The following AQP11 variants were observed in gnomAD, a reference collection of about 807,000 sequenced individuals.
AQP11 encodes aquaporin-11.
A neutral mutation model predicts 21.1 loss-of-function variants in AQP11; 20 were observed. That is an observed-to-expected ratio of 0.95 (90% confidence interval 0.67 to 1.38). The LOEUF (loss-of-function observed/expected upper bound fraction) is 1.38. AQP11 is among the 40% of genes most tolerant of loss of function. The probability of loss-of-function intolerance (pLI) is 0.00; values close to 1 mark genes in which losing one functional copy is unlikely to be tolerated. For missense variants in AQP11, 339 were observed against 340.4 expected, an observed-to-expected ratio of 1.00 and a Z score of 0.03; for synonymous variants, 167 against 150.1, an observed-to-expected ratio of 1.11 and a Z score of -0.82.
At chr11:77,591,714 A>G (rs968163126) in intron 1 of AQP11, among the ~76,000 whole-genome samples, 10 of 152,038 alleles carry the variant, frequency 6.6e-5, no homozygotes, top group African/African-American at 2.2e-4. Flanking sequence ...TACTAAAAAT[A>G]CAAAAAAAAT....
At chr11:77,607,430 A>G (rs1958853041) in intron 2 of AQP11, among the ~76,000 whole-genome samples, 1 of 152,202 alleles carries the variant, frequency 6.6e-6, no homozygotes, top group African/African-American at 2.4e-5. Flanking sequence ...GACAGAGGAA[A>G]GAGTAATCCC....
At chr11:77,604,170 G>A (rs573065428) in intron 2 of AQP11, among the ~76,000 whole-genome samples, 1 of 152,090 alleles carries the variant, frequency 6.6e-6, no homozygotes, top group African/African-American at 2.4e-5. Flanking sequence ...TGAGGGCAGC[G>A]GCATGATCAT....
chr11:77,598,233 T>C (rs1191254757), intron 1 of AQP11, among the ~76,000 whole-genome samples: 1 of 152,244 alleles, frequency 6.6e-6, no homozygotes, highest in Non-Finnish European at 1.5e-5. Context: ...ATGGGTGTTA[T>C]GTGATATTTA....
chr11:77,596,038 A>C (rs1425241210), intron 1 of AQP11, among the ~76,000 whole-genome samples: 1 of 152,048 alleles, frequency 6.6e-6, no homozygotes, highest in Non-Finnish European at 1.5e-5. Context: ...TCAAAGGTCC[A>C]AAATTTATTT....
chr11:77,599,055 A>T (rs1232566873), intron 1 of AQP11, among the ~76,000 whole-genome samples: 2 of 151,646 alleles, frequency 1.3e-5, no homozygotes, highest in Non-Finnish European at 2.9e-5. Flanking sequence ...TTAATTTTGT[A>T]TTTTTAGTAG....
Position 77,609,833 on chromosome 11 carries a change from G to T in AQP11, c.*456G>T, listed in dbSNP as rs1958867399. 1 of 152,456 alleles carries T rather than the reference G, an allele frequency of 6.6e-6. No homozygotes were observed. The highest frequency in any genetic ancestry group is 2.4e-5 in the African/African-American group (1 of 41,446). 9.4% of individuals were successfully genotyped at this position (152,456 alleles called of 1,614,324 possible). On this transcript the variant is annotated 3_prime_UTR_variant, in exon 3 of 3. Transcript: ENST00000313578. ...ACTTTCAGCCACCACCTCACAAAAT[G>T]ATACCATCAAGCAGTGTCATCTTTC...
At chr11:77,596,703 T>A (rs565069988) in intron 1 of AQP11, among the ~76,000 whole-genome samples, 1,979 of 150,896 alleles carry the variant, frequency 0.013, 46 homozygotes, top group African/African-American at 0.044. Flanking sequence ...TACAAAAAAA[T>A]TTTAAAATTA....
chr11:77,607,680 T>A (rs530050359), intron 2 of AQP11, among the ~76,000 whole-genome samples: 10 of 151,832 alleles, frequency 6.6e-5, no homozygotes, highest in Non-Finnish European at 1.3e-4. Context: ...GGAGAATCAC[T>A]TGAGCCCAGG....
chr11:77,604,555 CTCT>C (rs561421557), intron 2 of AQP11, among the ~76,000 whole-genome samples: 2 of 152,176 alleles, frequency 1.3e-5, no homozygotes, highest in Non-Finnish European at 2.9e-5. Flanking sequence ...CATTAATTCA[CTCT>C]TCTTTTTATC....
intron 1 of AQP11, among the ~76,000 whole-genome samples, chr11:77,595,972 G>A (rs1958776230): frequency 6.6e-6 from 1 of 151,704 alleles, no homozygotes; most frequent in African/African-American, 2.4e-5. Flanking sequence ...AGAGAGAAGG[G>A]AACATATGTT....
At position 77,590,214 on chromosome 11, in the gene AQP11, C is replaced by T; in HGVS notation, c.222C>T (p.His74=). The stretch of plus-strand genomic sequence containing the variant: ...TGCTGAGCGAACAGCACCCCGCGCA[C>T]CCCACCTGGACGCTGACGCTCGTCT... ...LQLLSEQHPA[H]PTWTLTLVYF... is the part of the protein sequence containing the mutation. The change falls in exon 1 of 3, where the codon CAC becomes CAT. Residue 74 remains histidine, a synonymous_variant. Transcript: ENST00000313578. The T allele has an allele frequency of 6.3e-7, 1 of 1,593,876 alleles. No individual in the cohort carries two copies. The highest frequency in any genetic ancestry group is 2.2e-5 in the East Asian group (1 of 44,758).
At chr11:77,606,036 C>CAAAAAAAAAAAAAAAAAAAAAAAAAA in intron 2 of AQP11, among the ~76,000 whole-genome samples, 1 of 63,974 alleles carries the variant, frequency 1.6e-5, no homozygotes, top group Non-Finnish European at 3.3e-5. Flanking sequence ...GAGCGAGTCT[C>CAAAAAAAAAAAAAAAAAAAAAAAAAA]AAAAAAAAAA....
intron 1 of AQP11, 74 bp from the exon 2 acceptor site, chr11:77,603,482 T>C: frequency 1.9e-6 from 2 of 1,029,702 alleles, no homozygotes; most frequent in Non-Finnish European, 2.8e-6. Context: ...TCACATTTAG[T>C]AACCATTTAT....
intron 1 of AQP11, among the ~76,000 whole-genome samples, chr11:77,595,846 G>A (rs368036421): frequency 1.4e-4 from 21 of 152,004 alleles, no homozygotes; most frequent in African/African-American, 3.9e-4. Context: ...GCTTGAACCC[G>A]GGAGGTGGAG....
chr11:77,597,675 T>A (rs1472777271), intron 1 of AQP11, among the ~76,000 whole-genome samples: 1 of 152,158 alleles, frequency 6.6e-6, no homozygotes. Flanking sequence ...AACTTTGAAA[T>A]TATTTGCCCA....
In AQP11 at chr11:77,609,282, G is replaced by A. The variant is rs572005476; in HGVS notation, c.737-16G>A. 11 of 1,599,574 alleles carry A rather than the reference G, an allele frequency of 6.9e-6. No individual in the cohort carries two copies. The highest frequency in any genetic ancestry group is 1.7e-4 in the Middle Eastern group (1 of 5,836). On this transcript the variant is annotated splice_polypyrimidine_tract_variant and intron_variant, in intron 2 of 2. Transcript: ENST00000313578. ...TTAAAGATTGTTTTTTTATTTTACT[G>A]TATTTTGTCTTTCAGGTATATTGTT...
intron 1 of AQP11, among the ~76,000 whole-genome samples, chr11:77,601,445 G>A (rs994299531): frequency 1.3e-5 from 2 of 151,254 alleles, no homozygotes; most frequent in Admixed American, 1.3e-4. Flanking sequence ...ACCTCTGCAG[G>A]CTCAGTTTAT....
In AQP11 at chr11:77,609,449, G is replaced by A. The variant is rs1309677280; in HGVS notation, c.*72G>A. The A allele has an allele frequency of 7.5e-6, 9 of 1,207,640 alleles. No individual in the cohort carries two copies. The highest frequency in any genetic ancestry group is 1.1e-5 in the Non-Finnish European group (9 of 854,894). 74.8% of individuals were successfully genotyped at this position (1,207,640 alleles called of 1,614,324 possible). A position where few individuals can be genotyped will look rare whatever the true frequency, so the allele number is the denominator to read the frequency against. On this transcript the variant is annotated 3_prime_UTR_variant, in exon 3 of 3. Transcript: ENST00000313578. The stretch of plus-strand genomic sequence containing the variant: ...TGATAAAGATTTTATCACCTCATAT[G>A]GAAAACACCGGCTGCACTGGATTCA...
chr11:77,590,322 G>A lies in AQP11; in HGVS notation c.330G>A (p.Gly110=). 6.2e-7 allele frequency: 1 copy of A among 1,610,048 alleles called. No individual in the cohort carries two copies. The highest frequency in any genetic ancestry group is 1.3e-5 in the African/African-American group (1 of 74,986). ...GCGTGATGATGCAGATGATGCTGGG[G>A]GGCATGTCCCCCGAGACGGGTGCGG... ...PCGVMMQMML[G]GMSPETGAVR... is the part of the protein sequence containing the mutation. The change falls in exon 1 of 3, where the codon GGG becomes GGA. Residue 110 remains glycine, a synonymous_variant. Coordinates refer to ENST00000313578, the MANE Select transcript of AQP11 (RefSeq NM_173039.3).
Sources: gnomAD v4.1 joint callset for allele counts (sites outside exome capture counted in the v4.1 genomes callset) on GRCh38, gnomAD v4.1.1 for gene constraint, MANE v1.5 for transcripts, NCBI Gene and HGNC (gene_info 2026-07-23, HGNC 2026-07-21) for gene names.